The following DPP6 variants were observed in gnomAD, a reference collection of about 807,000 sequenced individuals.
The protein encoded by DPP6 is A-type potassium channel modulatory protein DPP6.
In DPP6, 69 loss-of-function variants were observed where a neutral mutation model predicts 122.6. The observed-to-expected ratio is 0.56, with a 90% CI of 0.46 to 0.69. The LOEUF (loss-of-function observed/expected upper bound fraction) is 0.69. Ranked by LOEUF, DPP6 falls within the 30% of genes least tolerant of loss-of-function variation. The probability of loss-of-function intolerance (pLI) is 0.00; values close to 1 mark genes in which losing one functional copy is unlikely to be tolerated. For synonymous variants in DPP6, 418 were observed against 433.1 expected (o/e 0.97, Z 0.43); for missense variants, 928 against 1,116.9 (o/e 0.83, Z 2.41).
At chr7:154,132,691 A>G (rs1795349892) in intron 1 of DPP6, among the ~76,000 whole-genome samples, 1 of 152,020 alleles carries the variant, frequency 6.6e-6, no homozygotes, top group Non-Finnish European at 1.5e-5. Flanking sequence ...TCCACTGCCT[A>G]AAGGATAACA....
the DPP6 span, among the ~76,000 whole-genome samples, chr7:153,868,177 G>T: frequency 1.3e-5 from 2 of 152,084 alleles, no homozygotes; most frequent in Non-Finnish European, 2.9e-5. Context: ...AAATGAGTTA[G>T]GGAGGATTCC....
At chr7:154,337,547 C>T (rs577120919) in intron 1 of DPP6, among the ~76,000 whole-genome samples, 1 of 152,266 alleles carries the variant, frequency 6.6e-6, no homozygotes, top group East Asian at 1.9e-4. Flanking sequence ...TGACACAGGC[C>T]AAGGTCTATC....
At position 154,769,398 on chromosome 7, in the gene DPP6, C is replaced by G. The variant is rs377730527; in HGVS notation, c.884-19C>G. 12 of 1,612,992 alleles carry G rather than the reference C, an allele frequency of 7.4e-6. No homozygotes were observed. Among genetic ancestry groups the G allele is most frequent in the Non-Finnish European group, 1.0e-5 (12 of 1,179,656 alleles). ...CTCACTTGTTACTATTCACATTTCT[C>G]TACTCTGTTTTCCCTTAGAGGAGAT... On this transcript the variant is annotated intron_variant, in intron 8 of 25. Transcript: ENST00000377770.
intron 7 of DPP6, among the ~76,000 whole-genome samples, chr7:154,696,031 C>T (rs1405020939): frequency 3.9e-5 from 6 of 152,208 alleles, no homozygotes; most frequent in Admixed American, 6.5e-5. Context: ...GCAGCACGGG[C>T]CTTGAAATCG....
chr7:154,617,529 A>G (rs1834342023), intron 5 of DPP6, among the ~76,000 whole-genome samples: 1 of 152,200 alleles, frequency 6.6e-6, no homozygotes, highest in East Asian at 1.9e-4. Context: ...GAAATCAGCC[A>G]CCAGACTCTA....
At chr7:154,252,213 C>CGTGTGTGT (rs141850746) in intron 1 of DPP6, among the ~76,000 whole-genome samples, 1,635 of 150,572 alleles carry the variant, frequency 0.011, 28 homozygotes, top group East Asian at 0.06. Flanking sequence ...CACAATGTCA[C>CGTGTGTGT]GTGTGTGTGT....
chr7:153,837,837 A>ATTTTTTTTTTTATTT, the DPP6 span, among the ~76,000 whole-genome samples: 1 of 80,630 alleles, frequency 1.2e-5, no homozygotes, highest in East Asian at 3.6e-4. Flanking sequence ...TGCCTGGTTA[A>ATTTTTTTTTTTATTT]TTTTTTTTTT....
chr7:153,989,296 AGT>A (rs1462667618), intron 1 of DPP6, among the ~76,000 whole-genome samples: 9 of 145,672 alleles, frequency 6.2e-5, no homozygotes, highest in African/African-American at 1.0e-4. Flanking sequence ...TGACTGTGCA[AGT>A]GTGTGAGTGT....
the DPP6 span, among the ~76,000 whole-genome samples, chr7:153,795,757 G>A: frequency 6.6e-6 from 1 of 151,348 alleles, no homozygotes. Flanking sequence ...TCTAAAAATT[G>A]CTTTAAAAGA....
At chr7:153,789,732 A>G in the DPP6 span, among the ~76,000 whole-genome samples, 2 of 152,200 alleles carry the variant, frequency 1.3e-5, no homozygotes, top group African/African-American at 2.4e-5. Flanking sequence ...AAGTGTTTTC[A>G]TACTGGAACT....
At chr7:153,905,495 G>GA (rs1799810634) in intron 1 of DPP6, among the ~76,000 whole-genome samples, 1 of 152,036 alleles carries the variant, frequency 6.6e-6, no homozygotes, top group Non-Finnish European at 1.5e-5. Context: ...GTTTCGAAGC[G>GA]AATGACTCAG....
intron 1 of DPP6, among the ~76,000 whole-genome samples, chr7:154,424,758 A>G (rs1276026988): frequency 6.6e-6 from 1 of 152,142 alleles, no homozygotes; most frequent in Non-Finnish European, 1.5e-5. Context: ...CAGATTCTAG[A>G]TCTAGAAGTT....
At chr7:154,383,621 G>A (rs938240209) in intron 1 of DPP6, among the ~76,000 whole-genome samples, 1 of 152,164 alleles carries the variant, frequency 6.6e-6, no homozygotes, top group Non-Finnish European at 1.5e-5. Flanking sequence ...TGGGCACAGT[G>A]GCTCACGCCT....
chr7:154,252,137 A>G (rs889017669), intron 1 of DPP6, among the ~76,000 whole-genome samples: 4 of 152,130 alleles, frequency 2.6e-5, no homozygotes, highest in South Asian at 2.1e-4. Context: ...AACACATCCT[A>G]TTGGTTGTAT....
chr7:154,617,321 G>A (rs1834326153), intron 5 of DPP6, among the ~76,000 whole-genome samples: 1 of 152,182 alleles, frequency 6.6e-6, no homozygotes, highest in South Asian at 2.1e-4. Context: ...AAAATGTATT[G>A]TTGGCAATTG....
the DPP6 span, among the ~76,000 whole-genome samples, chr7:153,810,074 C>T: frequency 6.6e-6 from 1 of 152,234 alleles, no homozygotes; most frequent in Non-Finnish European, 1.5e-5. Flanking sequence ...TTGACAACAT[C>T]ATGCTGCAGT....
intron 1 of DPP6, among the ~76,000 whole-genome samples, chr7:154,108,491 T>A (rs934961310): frequency 6.6e-6 from 1 of 152,192 alleles, no homozygotes; most frequent in African/African-American, 2.4e-5. Flanking sequence ...CTCCACCTTA[T>A]CAATTCCTGC....
At chr7:154,715,617 T>G (rs1236909301) in intron 7 of DPP6, among the ~76,000 whole-genome samples, 3 of 152,210 alleles carry the variant, frequency 2.0e-5, no homozygotes, top group Non-Finnish European at 2.9e-5. Context: ...TGTGAGGAAC[T>G]TCAGTGTGAG....
chr7:154,743,248 T>C (rs1037382303), intron 8 of DPP6, among the ~76,000 whole-genome samples: 11 of 152,116 alleles, frequency 7.2e-5, no homozygotes, highest in Admixed American at 5.2e-4. Context: ...CAAGGTAGCA[T>C]TTAACTGAGT....
Sources: allele counts gnomAD v4.1 joint callset (sites outside exome capture counted in the v4.1 genomes callset), GRCh38; gene constraint gnomAD v4.1.1; transcripts MANE v1.5; gene names NCBI Gene and HGNC (gene_info 2026-07-23, HGNC 2026-07-21).